Variants in RGS7 observed in about 807,000 individuals in gnomAD.
RGS7 encodes regulator of G-protein signaling 7.
Under a neutral mutation model 81.1 loss-of-function variants are expected in RGS7, and 27 were observed. That is an observed-to-expected ratio of 0.33 (90% CI 0.25 to 0.46). The LOEUF (loss-of-function observed/expected upper bound fraction) is 0.46, where lower values mean the gene tolerates loss of function less well. Among genes scored for constraint, RGS7 ranks in the 20% least tolerant of loss-of-function variants. The pLI, the probability that RGS7 is intolerant of heterozygous loss-of-function variation, is 1.00. For synonymous variants in RGS7, 208 were observed against 207.7 expected, an observed-to-expected ratio of 1.00 and a Z score of -0.01; for missense variants, 396 against 607.4, an observed-to-expected ratio of 0.65 and a Z score of 3.66.
chr1:241,227,871 A>T (rs937627002), intron 2 of RGS7, among the ~76,000 whole-genome samples: 4 of 152,168 alleles, frequency 2.6e-5, no homozygotes, highest in African/African-American at 9.7e-5. Context: ...GTGTTTTCTG[A>T]AGGTAGGTGT....
chr1:241,335,432 C>T (rs1451335882), intron 2 of RGS7, among the ~76,000 whole-genome samples: 1 of 152,106 alleles, frequency 6.6e-6, no homozygotes, highest in Non-Finnish European at 1.5e-5. Flanking sequence ...CAACAAGTTC[C>T]ACAGCAAACT....
chr1:240,939,059 G>T (rs1677124450), intron 4 of RGS7, among the ~76,000 whole-genome samples: 1 of 152,106 alleles, frequency 6.6e-6, no homozygotes, highest in African/African-American at 2.4e-5. Flanking sequence ...AAACCTACCT[G>T]GCAGGATTGA....
chr1:241,116,238 T>C (rs1330104958), intron 2 of RGS7, among the ~76,000 whole-genome samples: 2 of 152,162 alleles, frequency 1.3e-5, no homozygotes, highest in African/African-American at 2.4e-5. Context: ...GAAATTTTTA[T>C]TGTGGAAAAT....
At chr1:241,002,631 T>C (rs893943327) in intron 3 of RGS7, among the ~76,000 whole-genome samples, 2 of 152,232 alleles carry the variant, frequency 1.3e-5, no homozygotes, top group African/African-American at 4.8e-5. Context: ...ACACAGTTCA[T>C]GAGAGCAGTG....
chr1:241,109,294 T>C (rs1251841497), intron 2 of RGS7, among the ~76,000 whole-genome samples: 3 of 152,176 alleles, frequency 2.0e-5, no homozygotes, highest in African/African-American at 7.2e-5. Flanking sequence ...AATTCAGCTA[T>C]ACTTCTAGGA....
chr1:241,276,508 G>A (rs1159044664), intron 2 of RGS7, among the ~76,000 whole-genome samples: 1 of 152,150 alleles, frequency 6.6e-6, no homozygotes, highest in Admixed American at 6.6e-5. Flanking sequence ...TCAATTCCCT[G>A]TCTCATTTTG....
chr1:241,206,294 G>A (rs1426674785), intron 2 of RGS7, among the ~76,000 whole-genome samples: 5 of 147,678 alleles, frequency 3.4e-5, no homozygotes, highest in Admixed American at 1.4e-4. Context: ...AGTGGCGCTC[G>A]GCTCACTGCA....
chr1:240,791,505 G>T (rs1302946091), intron 18 of RGS7, among the ~76,000 whole-genome samples: 2 of 152,218 alleles, frequency 1.3e-5, no homozygotes, highest in South Asian at 2.1e-4. Flanking sequence ...TAGTGTCATT[G>T]CTTTCTGGGT....
chr1:241,234,296 A>G (rs992865110), intron 2 of RGS7, among the ~76,000 whole-genome samples: 2 of 152,182 alleles, frequency 1.3e-5, no homozygotes, highest in African/African-American at 4.8e-5. Context: ...TCTTTCCAAA[A>G]CAATAGAACC....
At chr1:240,826,555 A>G (rs1692871316) in intron 10 of RGS7, among the ~76,000 whole-genome samples, 1 of 152,240 alleles carries the variant, frequency 6.6e-6, no homozygotes, top group Admixed American at 6.5e-5. Context: ...GTTTTATAGA[A>G]TGAATAAAAA....
chr1:240,885,320 A>G (rs190397901), intron 6 of RGS7, among the ~76,000 whole-genome samples: 13 of 152,310 alleles, frequency 8.5e-5, no homozygotes, highest in South Asian at 6.2e-4. Context: ...AAATTGTTCA[A>G]CCATTGTGGA....
chr1:240,792,089 A>G (rs1384580960), intron 18 of RGS7, among the ~76,000 whole-genome samples: 2 of 152,230 alleles, frequency 1.3e-5, no homozygotes, highest in East Asian at 3.8e-4. Context: ...CATTTTGAAT[A>G]ATAATTCAAG....
rs761938100 is a variant in RGS7 at position 240,812,014 on chromosome 1, C to T, written c.986G>A (p.Arg329Gln). The change falls in exon 14 of 19, where the codon CGA becomes CAA. Residue 329 changes from arginine (R) to glutamine (Q), a missense_variant. By Grantham distance (43) the Arg-to-Gln change is conservative. Transcript: ENST00000440928. ...SKEPSQQRVK[R>Q]WGFGMDEALK... ...TGCCTCGTCCATGCCAAAACCCCATCGTTTTACCCTCTGCTGGCTCGGTTC... is the reference window on the plus strand; with the variant it reads ...TGCCTCGTCCATGCCAAAACCCCATTGTTTTACCCTCTGCTGGCTCGGTTC... The T allele has an allele frequency of 4.3e-6, 7 of 1,614,148 alleles. No individual in the cohort carries two copies. The highest frequency in any genetic ancestry group is 5.9e-6 in the Non-Finnish European group (7 of 1,180,012).
intron 3 of RGS7, among the ~76,000 whole-genome samples, chr1:241,053,363 G>A (rs1007915236): frequency 1.3e-5 from 2 of 152,100 alleles, no homozygotes; most frequent in Admixed American, 1.3e-4. Context: ...TGCTTAATTT[G>A]CTTTAGTAAA....
At chr1:240,994,253 T>G (rs1240399304) in intron 3 of RGS7, among the ~76,000 whole-genome samples, 3 of 152,216 alleles carry the variant, frequency 2.0e-5, no homozygotes, top group African/African-American at 7.2e-5. Flanking sequence ...TCATTAAACT[T>G]GTGTATCAAT....
intron 10 of RGS7, chr1:240,823,073 C>A: frequency 1.3e-6 from 1 of 773,364 alleles, no homozygotes; most frequent in Admixed American, 1.9e-5. Flanking sequence ...TCAATGTCAC[C>A]TGGAATTGCT....
At chr1:241,138,275 G>T (rs1355960708) in intron 2 of RGS7, among the ~76,000 whole-genome samples, 1 of 152,028 alleles carries the variant, frequency 6.6e-6, no homozygotes, top group Non-Finnish European at 1.5e-5. Flanking sequence ...TATAACACAG[G>T]TAAGTGATAC....
At chr1:240,985,590 T>C (rs563003178) in intron 3 of RGS7, among the ~76,000 whole-genome samples, 3 of 152,320 alleles carry the variant, frequency 2.0e-5, no homozygotes, top group African/African-American at 7.2e-5. Flanking sequence ...GTCAATTTAA[T>C]TGGACTTGAC....
At chr1:241,274,701 A>G (rs2078098339) in intron 2 of RGS7, among the ~76,000 whole-genome samples, 3 of 152,208 alleles carry the variant, frequency 2.0e-5, no homozygotes, top group Admixed American at 2.0e-4. Flanking sequence ...TCCAGGTTTA[A>G]AATGAATACA....
Sources: gnomAD v4.1 joint callset for allele counts (sites outside exome capture counted in the v4.1 genomes callset) on GRCh38, gnomAD v4.1.1 for gene constraint, MANE v1.5 for transcripts, NCBI Gene and HGNC (gene_info 2026-07-23, HGNC 2026-07-21) for gene names.